Variants in PRIMA1 observed in about 807,000 individuals in gnomAD.
PRIMA1 encodes proline-rich membrane anchor 1.
PRIMA1 carries 7 observed loss-of-function variants against 17.5 expected under a neutral mutation model. The ratio of observed to expected loss-of-function variants is 0.40; its 90% CI spans 0.23 to 0.75. The LOEUF is 0.75. Ranked by LOEUF, PRIMA1 falls within the 30% of genes least tolerant of loss-of-function variation. The probability of loss-of-function intolerance (pLI) is 0.37; values close to 1 mark genes in which losing one functional copy is unlikely to be tolerated. For missense variants in PRIMA1, 200 were observed against 201.8 expected (o/e 0.99, Z 0.05); for synonymous variants, 97 against 77.9 (o/e 1.25, Z -1.29).
At chr14:93,751,468 A>G (rs1385125140) in intron 3 of PRIMA1, among the ~76,000 whole-genome samples, 1 of 152,212 alleles carries the variant, frequency 6.6e-6, no homozygotes, top group East Asian at 1.9e-4. Flanking sequence ...CAGGTTCCAC[A>G]TCAGGAACCC....
intron 3 of PRIMA1, among the ~76,000 whole-genome samples, chr14:93,772,164 A>G (rs1454377268): frequency 2.6e-5 from 4 of 152,242 alleles, no homozygotes; most frequent in Non-Finnish European, 4.4e-5. Context: ...TAGAACTTCC[A>G]CAGTCCCATT....
chr14:93,770,726 G>A (rs572262494), intron 3 of PRIMA1, among the ~76,000 whole-genome samples: 8 of 152,202 alleles, frequency 5.3e-5, no homozygotes, highest in Admixed American at 1.3e-4. Context: ...GCCCCCTCCC[G>A]CGCACACACA....
intron 3 of PRIMA1, among the ~76,000 whole-genome samples, chr14:93,744,743 G>A (rs527477147): frequency 6.6e-6 from 1 of 152,174 alleles, no homozygotes; most frequent in African/African-American, 2.4e-5. Context: ...TGTTTCATAA[G>A]TCTCCCCAAT....
chr14:93,782,184 C>G (rs1373178335), intron 2 of PRIMA1, among the ~76,000 whole-genome samples: 1 of 151,522 alleles, frequency 6.6e-6, no homozygotes, highest in African/African-American at 2.4e-5. Context: ...AGGAGAATGG[C>G]GTGAACACGG....
intron 3 of PRIMA1, among the ~76,000 whole-genome samples, chr14:93,770,727 C>T (rs1030919185): frequency 2.0e-5 from 3 of 152,184 alleles, no homozygotes; most frequent in Non-Finnish European, 2.9e-5. Context: ...CCCCCTCCCG[C>T]GCACACACAG....
At chr14:93,738,547 T>G (rs905544850) in intron 3 of PRIMA1, among the ~76,000 whole-genome samples, 14 of 152,112 alleles carry the variant, frequency 9.2e-5, no homozygotes, top group African/African-American at 3.4e-4. Flanking sequence ...GAATCAGAAA[T>G]ACACCCCAGA....
At chr14:93,748,196 G>A (rs963952811) in intron 3 of PRIMA1, among the ~76,000 whole-genome samples, 1 of 152,142 alleles carries the variant, frequency 6.6e-6, no homozygotes, top group Non-Finnish European at 1.5e-5. Flanking sequence ...TGAGCCCAAG[G>A]GGGCCTGTGC....
chr14:93,732,096 G>A (rs2076118452), intron 4 of PRIMA1, among the ~76,000 whole-genome samples: 1 of 152,256 alleles, frequency 6.6e-6, no homozygotes, highest in Non-Finnish European at 1.5e-5. Context: ...CAGTAAGTGA[G>A]AGGGAAATGG....
intron 2 of PRIMA1, among the ~76,000 whole-genome samples, chr14:93,781,330 C>CCAT (rs1480867551): frequency 6.6e-6 from 1 of 152,240 alleles, no homozygotes; most frequent in Non-Finnish European, 1.5e-5. Flanking sequence ...GTTAGACATC[C>CCAT]CATCGTTGGG....
At chr14:93,725,589 C>T (rs937195288) in intron 4 of PRIMA1, among the ~76,000 whole-genome samples, 1 of 152,206 alleles carries the variant, frequency 6.6e-6, no homozygotes, top group Non-Finnish European at 1.5e-5. Context: ...AGGCAAGCTA[C>T]ATAGCCTCTC....
At chr14:93,731,348 C>T (rs2076113478) in intron 4 of PRIMA1, among the ~76,000 whole-genome samples, 1 of 112,030 alleles carries the variant, frequency 8.9e-6, no homozygotes, top group Admixed American at 1.1e-4. Context: ...TGGAGAGAAA[C>T]ATCAGAAGAA....
chr14:93,777,771 G>T (rs1253084402), intron 3 of PRIMA1, among the ~76,000 whole-genome samples: 1 of 152,222 alleles, frequency 6.6e-6, no homozygotes, highest in African/African-American at 2.4e-5. Context: ...TTGCTGACAG[G>T]ATGGCCTTCC....
At chr14:93,767,032 T>G (rs1208791834) in intron 3 of PRIMA1, among the ~76,000 whole-genome samples, 2 of 152,196 alleles carry the variant, frequency 1.3e-5, no homozygotes, top group South Asian at 4.1e-4. Flanking sequence ...CAGAGTGGCC[T>G]ACAAGACTTG....
At chr14:93,749,409 A>G (rs2141171168) in intron 3 of PRIMA1, among the ~76,000 whole-genome samples, 1 of 152,304 alleles carries the variant, frequency 6.6e-6, no homozygotes, top group Non-Finnish European at 1.5e-5. Context: ...AGCACTGGGG[A>G]CAGGATGGAC....
chr14:93,752,369 A>C (rs903907639), intron 3 of PRIMA1, among the ~76,000 whole-genome samples: 16 of 152,190 alleles, frequency 1.1e-4, no homozygotes, highest in African/African-American at 3.9e-4. Context: ...CGCCCCCGGC[A>C]AGCCAACGCT....
At chr14:93,787,032 T>G (rs951594342) in intron 2 of PRIMA1, among the ~76,000 whole-genome samples, 3 of 151,516 alleles carry the variant, frequency 2.0e-5, no homozygotes, top group African/African-American at 7.3e-5. Context: ...TGGGGGGGAC[T>G]AGGGACCACC....
At chr14:93,776,649 A>G (rs905263785) in intron 3 of PRIMA1, among the ~76,000 whole-genome samples, 2 of 152,246 alleles carry the variant, frequency 1.3e-5, no homozygotes, top group Non-Finnish European at 2.9e-5. Context: ...ATCACTGCCC[A>G]GAGCAGTTTC....
At chr14:93,763,370 A>C (rs1394025832) in intron 3 of PRIMA1, among the ~76,000 whole-genome samples, 1 of 152,066 alleles carries the variant, frequency 6.6e-6, no homozygotes, top group Non-Finnish European at 1.5e-5. Context: ...ACCTTTGCTC[A>C]TGCCATTGCC....
At chr14:93,738,446 A>G (rs2076165023) in intron 3 of PRIMA1, among the ~76,000 whole-genome samples, 1 of 152,188 alleles carries the variant, frequency 6.6e-6, no homozygotes, top group Non-Finnish European at 1.5e-5. Flanking sequence ...GGGGATGATG[A>G]GGGAGGAAGG....
Sources: allele counts gnomAD v4.1 joint callset (sites outside exome capture counted in the v4.1 genomes callset), GRCh38; gene constraint gnomAD v4.1.1; transcripts MANE v1.5; gene names NCBI Gene and HGNC (gene_info 2026-07-23, HGNC 2026-07-21).